The following HSF2BP variants were observed in gnomAD, a reference collection of about 807,000 sequenced individuals.
The protein encoded by HSF2BP is heat shock transcription factor 2 binding protein.
In HSF2BP, 35 loss-of-function variants were observed where a neutral mutation model predicts 35.0. The observed-to-expected ratio is 1.00, with a 90% confidence interval of 0.76 to 1.32. The LOEUF (loss-of-function observed/expected upper bound fraction) is 1.32, where lower values mean the gene tolerates loss of function less well. HSF2BP is among the 40% of genes most tolerant of loss of function. HSF2BP has a pLI of 0.00. For synonymous variants in HSF2BP, 114 were observed against 117.4 expected (o/e 0.97, Z 0.18); for missense variants, 326 against 321.7 (o/e 1.01, Z -0.10).
chr21:43,604,393 C>CT (rs2082092551), intron 7 of HSF2BP, among the ~76,000 whole-genome samples: 1 of 143,148 alleles, frequency 7.0e-6, no homozygotes. Flanking sequence ...ACACACCACA[C>CT]ACACTACACA....
intron 7 of HSF2BP, among the ~76,000 whole-genome samples, chr21:43,603,068 A>G (rs1398720010): frequency 6.6e-6 from 1 of 152,228 alleles, no homozygotes; most frequent in Admixed American, 6.5e-5. Flanking sequence ...AGGAAGTACA[A>G]AAAAAGGAAG....
At position 43,612,361 on chromosome 21, in the gene HSF2BP, A is replaced by G. The variant is rs780149724; in HGVS notation, c.692+1469T>C. The stretch of plus-strand genomic sequence containing the variant: ...ACTTTACAGAAGCTCTTACTTTTTA[A>G]AAGTGCTAGGCCGGGCGCAGGGGCT... On this transcript the variant is annotated intron_variant, in intron 7 of 8. Coordinates refer to ENST00000291560, the MANE Select transcript of HSF2BP (RefSeq NM_007031.2). Among the ~76,000 whole-genome samples, 63 of 152,182 alleles carry G rather than the reference A, an allele frequency of 4.1e-4. 1 individual carries two copies. The highest frequency in any genetic ancestry group is 3.4e-3 in the Middle Eastern group (1 of 294).
chr21:43,637,381 G>C (rs2082577510), intron 4 of HSF2BP, among the ~76,000 whole-genome samples: 1 of 152,132 alleles, frequency 6.6e-6, no homozygotes, highest in South Asian at 2.1e-4. Flanking sequence ...AGAAAGATCA[G>C]TGTTTGCCTG....
intron 8 of HSF2BP, among the ~76,000 whole-genome samples, chr21:43,590,098 G>A (rs972269880): frequency 2.0e-5 from 3 of 152,174 alleles, no homozygotes; most frequent in Non-Finnish European, 4.4e-5. Flanking sequence ...TGAGCCACAA[G>A]CTGGGAAAAA....
chr21:43,578,113 C>T (rs1263619043), intron 8 of HSF2BP, among the ~76,000 whole-genome samples: 1 of 152,188 alleles, frequency 6.6e-6, no homozygotes, highest in Non-Finnish European at 1.5e-5. Context: ...CACGAACGTG[C>T]GTCACATGGA....
rs1245149419 is a variant in HSF2BP at position 43,658,132 on chromosome 21, C to T, written c.-36G>A. The T allele has an allele frequency of 1.1e-5, 17 of 1,508,510 alleles. No homozygotes were observed. The highest frequency in any genetic ancestry group is 1.5e-5 in the Non-Finnish European group (17 of 1,131,960). The allele number at this position is 1,508,510 out of a possible 1,614,324, so 93.4% of individuals were successfully genotyped here. A position where few individuals can be genotyped will look rare whatever the true frequency, so the allele number is the denominator to read the frequency against. ...GCCTCCGCTCCGTTCGCCTGAGCGT[C>T]GGCGCGCCCTCTGACCCCTCACGCC... On this transcript the variant is annotated 5_prime_UTR_variant, in exon 2 of 9. Transcript: ENST00000291560.
chr21:43,583,669 G>GA (rs1156884519), intron 8 of HSF2BP, among the ~76,000 whole-genome samples: 9 of 139,714 alleles, frequency 6.4e-5, no homozygotes, highest in East Asian at 2.3e-4. Context: ...TGAGGGAGAT[G>GA]AGGACCTGCT....
At chr21:43,618,470 C>G (rs1333208123) in intron 6 of HSF2BP, among the ~76,000 whole-genome samples, 3 of 152,104 alleles carry the variant, frequency 2.0e-5, no homozygotes, top group Non-Finnish European at 4.4e-5. Flanking sequence ...TTATGGTCAA[C>G]TGAATTCCAA....
chr21:43,616,476 T>C (rs2082272247), intron 6 of HSF2BP, among the ~76,000 whole-genome samples: 2 of 152,042 alleles, frequency 1.3e-5, no homozygotes, highest in South Asian at 4.2e-4. Context: ...AAACCCTGTC[T>C]CTACTAAAAA....
At chr21:43,625,299 AAGCAC>A (rs1470654082) in intron 6 of HSF2BP, among the ~76,000 whole-genome samples, 1 of 152,136 alleles carries the variant, frequency 6.6e-6, no homozygotes, top group Non-Finnish European at 1.5e-5. Flanking sequence ...TACATGAAGC[AAGCAC>A]TTGCTCACCT....
In HSF2BP at chr21:43,608,431, C is replaced by T. The variant is rs182314653; in HGVS notation, c.692+5399G>A. ...CTCACACCAGTCAAAATGGCTATTA[C>T]TAGAAAGTCAAAAAACATCATGTTG... On this transcript the variant is annotated intron_variant, in intron 7 of 8. Transcript: ENST00000291560. Among the ~76,000 whole-genome samples the T allele has an allele frequency of 1.5e-3, 226 of 152,136 alleles. 1 individual carries two copies. The highest frequency in any genetic ancestry group is 5.2e-3 in the African/African-American group (214 of 41,530).
At chr21:43,646,909 A>G (rs1250988230) in intron 3 of HSF2BP, among the ~76,000 whole-genome samples, 1 of 152,182 alleles carries the variant, frequency 6.6e-6, no homozygotes, top group Non-Finnish European at 1.5e-5. Flanking sequence ...ACTTGGCCCC[A>G]CTGCATGCAT....
chr21:43,574,648 C>T (rs1230245891), intron 8 of HSF2BP, among the ~76,000 whole-genome samples: 3 of 152,184 alleles, frequency 2.0e-5, no homozygotes, highest in Non-Finnish European at 4.4e-5. Context: ...TGAGCCACTG[C>T]GCCCAGCCCT....
At chr21:43,457,786 T>C in the HSF2BP span, among the ~76,000 whole-genome samples, 3 of 4,232 alleles carry the variant, frequency 7.1e-4, no homozygotes, top group Non-Finnish European at 1.5e-3. Context: ...GATCCTGGCT[T>C]TGAAGAAAGC....
chr21:43,606,483 T>C (rs546260412), intron 7 of HSF2BP, among the ~76,000 whole-genome samples: 2 of 151,702 alleles, frequency 1.3e-5, no homozygotes, highest in East Asian at 1.9e-4. Flanking sequence ...GAGGGAACAA[T>C]GGTAGGAAAA....
chr21:43,592,079 G>A (rs2081932354), intron 8 of HSF2BP, 146 bp downstream of exon 8: 1 of 554,618 alleles, frequency 1.8e-6, no homozygotes, highest in Middle Eastern at 2.7e-4. Flanking sequence ...ATGTATGAAT[G>A]TTTAAAAATA....
intron 4 of HSF2BP, 135 bp downstream of exon 4, chr21:43,644,154 G>T (rs1413801054): frequency 6.4e-6 from 4 of 626,534 alleles, no homozygotes; most frequent in Non-Finnish European, 1.1e-5. Context: ...AACCCACTCA[G>T]AATACATACA....
At chr21:43,613,713 T>C (rs1462536837) in intron 7 of HSF2BP, 117 bp downstream of exon 7, 2 of 735,818 alleles carry the variant, frequency 2.7e-6, no homozygotes, top group East Asian at 2.5e-5. Flanking sequence ...GGAATTTATT[T>C]CTTCTAGTTT....
intron 7 of HSF2BP, among the ~76,000 whole-genome samples, chr21:43,604,626 ACAAT>A (rs1353598716): frequency 3.0e-5 from 4 of 135,096 alleles, no homozygotes; most frequent in Middle Eastern, 5.0e-3. Context: ...CATACACCAC[ACAAT>A]CATACAGCAC....
Sources: allele counts gnomAD v4.1 joint callset (sites outside exome capture counted in the v4.1 genomes callset), GRCh38; gene constraint gnomAD v4.1.1; transcripts MANE v1.5; gene names NCBI Gene and HGNC (gene_info 2026-07-23, HGNC 2026-07-21).